MIGA1: variants seen among roughly 807,000 people sequenced by gnomAD.
MIGA1 encodes mitoguardin 1.
Under a neutral mutation model 82.0 loss-of-function variants are expected in MIGA1, and 58 were observed. The ratio of observed to expected loss-of-function variants is 0.71; its 90% confidence interval spans 0.57 to 0.88. The LOEUF (loss-of-function observed/expected upper bound fraction) is 0.88. Among genes scored for constraint, MIGA1 ranks in the 40% least tolerant of loss-of-function variants. The pLI, the probability that MIGA1 is intolerant of heterozygous loss-of-function variation, is 0.00. For synonymous variants in MIGA1, 249 were observed against 253.6 expected (o/e 0.98, Z 0.17); for missense variants, 751 against 749.1 (o/e 1.00, Z -0.03).
intron 7 of MIGA1, among the ~76,000 whole-genome samples, chr1:77,829,315 C>T (rs756237585): frequency 6.6e-5 from 10 of 152,052 alleles, no homozygotes; most frequent in South Asian, 6.2e-4. Flanking sequence ...TGGTGGCATG[C>T]GTGTATATGC....
Position 77,779,660 on chromosome 1 carries a change from C to T in MIGA1, c.5C>T (p.Ser2Leu). Residue 2 changes from serine (S) to leucine (L), a missense_variant, in exon 1 of 16, where the codon TCA becomes TTA. By Grantham distance (145) the Ser-to-Leu change is moderately radical. This residue lies in a region of MIGA1 where 482 missense variants were observed against 439.4 expected (regional missense o/e 1.10). Transcript: ENST00000370791. ...CGGAAGGACTCCGCCTTCTCCATGT[C>T]AGACTGCTGCTCAGCGCCAGGCATC... 6.3e-7 allele frequency: 1 copy of T among 1,581,018 alleles called. No homozygotes were observed. Among genetic ancestry groups the T allele is most frequent in the South Asian group, 1.2e-5 (1 of 86,238 alleles).
intron 2 of MIGA1, among the ~76,000 whole-genome samples, chr1:77,799,924 C>A (rs868278854): frequency 6.0e-5 from 9 of 149,764 alleles, no homozygotes; most frequent in African/African-American, 2.2e-4. Context: ...CTATATCCTG[C>A]TTGTTTTAGG....
chr1:77,827,437 G>A (rs554392623), intron 7 of MIGA1, among the ~76,000 whole-genome samples: 124 of 152,026 alleles, frequency 8.2e-4, no homozygotes, highest in African/African-American at 2.5e-3. Flanking sequence ...TCACACCACC[G>A]CACTCCAGCT....
intron 7 of MIGA1, among the ~76,000 whole-genome samples, chr1:77,828,873 T>C (rs113672081): frequency 2.0e-4 from 30 of 152,068 alleles, no homozygotes; most frequent in African/African-American, 6.5e-4. Context: ...ATGGGAGTCT[T>C]CCTGTATTTC....
intron 1 of MIGA1, chr1:77,783,003 G>GA: frequency 5.2e-6 from 2 of 381,958 alleles, no homozygotes; most frequent in South Asian, 1.1e-4. Flanking sequence ...TTTAAATCTA[G>GA]CTTTTTTTTT....
chr1:77,815,307 G>T, intron 7 of MIGA1, 76 bp downstream of exon 7: 1 of 1,221,656 alleles, frequency 8.2e-7, no homozygotes, highest in Non-Finnish European at 1.1e-6. Flanking sequence ...CTGCATAAGT[G>T]TCTGTCTTAT....
At chr1:77,804,681 C>T (rs1037181222) in intron 4 of MIGA1, among the ~76,000 whole-genome samples, 6 of 150,738 alleles carry the variant, frequency 4.0e-5, no homozygotes, top group Admixed American at 1.3e-4. Flanking sequence ...AGCGCAGTGG[C>T]GCGATGAGCT....
Position 77,875,046 on chromosome 1 carries a change from G to A in MIGA1, c.1881G>A (p.Leu627=). The A allele has an allele frequency of 6.2e-7, 1 of 1,613,228 alleles. No individual in the cohort carries two copies. The highest frequency in any genetic ancestry group is 8.5e-7 in the Non-Finnish European group (1 of 1,179,242). The change falls in exon 16 of 16, where the codon CTG becomes CTA. Residue 627 remains leucine, a synonymous_variant. Coordinates refer to ENST00000370791, the MANE Select transcript of MIGA1 (RefSeq NM_198549.4). ...GTCATGTTATGTCCACTGGGCTACT[G>A]GAAGCCAAAGTACAATAAGTACCAT... is the stretch of plus-strand genomic sequence containing the variant.
intron 2 of MIGA1, among the ~76,000 whole-genome samples, chr1:77,785,482 T>TA (rs1682117515): frequency 6.6e-6 from 1 of 152,158 alleles, no homozygotes; most frequent in South Asian, 2.1e-4. Context: ...TAGCTGGGAT[T>TA]ACAGACATGT....
At chr1:77,830,615 G>A (rs568623738) in intron 7 of MIGA1, among the ~76,000 whole-genome samples, 17 of 151,840 alleles carry the variant, frequency 1.1e-4, no homozygotes, top group Middle Eastern at 6.8e-3. Context: ...CTATCTCACC[G>A]CTTTGGGTAG....
intron 14 of MIGA1, among the ~76,000 whole-genome samples, chr1:77,867,959 G>C (rs924647993): frequency 6.6e-6 from 1 of 152,078 alleles, no homozygotes; most frequent in Non-Finnish European, 1.5e-5. Context: ...TTAGGACTAG[G>C]AACAGACTTG....
At chr1:77,780,914 T>G (rs914844158) in intron 1 of MIGA1, among the ~76,000 whole-genome samples, 2 of 150,262 alleles carry the variant, frequency 1.3e-5, no homozygotes, top group Non-Finnish European at 3.0e-5. Context: ...TTTTCTTTTT[T>G]TTTTTTTTTT....
intron 15 of MIGA1, among the ~76,000 whole-genome samples, chr1:77,873,528 A>T (rs1265358948): frequency 6.6e-6 from 1 of 152,206 alleles, no homozygotes; most frequent in Non-Finnish European, 1.5e-5. Flanking sequence ...ATATAGAATA[A>T]GTTGTGGTTA....
At chr1:77,873,152 T>G in intron 15 of MIGA1, 32 bp downstream of exon 15, 3 of 1,582,110 alleles carry the variant, frequency 1.9e-6, no homozygotes, top group Non-Finnish European at 2.6e-6. Flanking sequence ...TTTCTCTTTT[T>G]TTTCTAAATC....
chr1:77,845,632 T>A (rs1175133439), intron 8 of MIGA1, among the ~76,000 whole-genome samples: 2 of 152,190 alleles, frequency 1.3e-5, no homozygotes, highest in African/African-American at 2.4e-5. Context: ...TGTTCCAAGA[T>A]AAATTATTTT....
intron 14 of MIGA1, among the ~76,000 whole-genome samples, chr1:77,869,967 A>AC (rs1222529994): frequency 1.2e-4 from 11 of 92,736 alleles, no homozygotes; most frequent in South Asian, 7.7e-4. Context: ...CGGGGGGCTG[A>AC]CCCCCCCACC....
intron 13 of MIGA1, 47 bp from the exon 14 acceptor site, chr1:77,866,291 G>A (rs79516854): frequency 0.017 from 25,540 of 1,525,596 alleles, 249 homozygotes; most frequent in Middle Eastern, 0.024. Flanking sequence ...AAATGGAAAT[G>A]TTTATATAGC....
chr1:77,847,533 GA>G, intron 8 of MIGA1: 1 of 1,461,692 alleles, frequency 6.8e-7, no homozygotes, highest in Non-Finnish European at 9.6e-7. Flanking sequence ...AAGAGAAATG[GA>G]AAAGGGAGAG....
chr1:77,839,242 C>A (rs536960948), intron 7 of MIGA1, among the ~76,000 whole-genome samples: 1 of 151,594 alleles, frequency 6.6e-6, no homozygotes, highest in South Asian at 2.1e-4. Context: ...ATAATAATAA[C>A]CATTTTCCAC....
Sources: allele counts gnomAD v4.1 joint callset (sites outside exome capture counted in the v4.1 genomes callset), GRCh38; gene constraint gnomAD v4.1.1; regional missense constraint gnomAD v4.1.1; transcripts MANE v1.5; gene names NCBI Gene and HGNC (gene_info 2026-07-23, HGNC 2026-07-21).